Variants in INSL6 observed in about 807,000 individuals in gnomAD.
INSL6 encodes insulin-like peptide INSL6.
In INSL6, 16 loss-of-function variants were observed where a neutral mutation model predicts 9.4. The ratio of observed to expected loss-of-function variants is 1.70; its 90% CI spans 1.15 to 2.59. The LOEUF (loss-of-function observed/expected upper bound fraction) is 2.59, where lower values mean the gene tolerates loss of function less well. Among genes scored for constraint, INSL6 ranks in the 30% most tolerant of loss-of-function variants. The probability of loss-of-function intolerance (pLI) is 0.00; values close to 1 mark genes in which losing one functional copy is unlikely to be tolerated. For missense variants in INSL6, 391 were observed against 257.3 expected, an observed-to-expected ratio of 1.52 and a Z score of -3.56; for synonymous variants, 154 against 96.9, an observed-to-expected ratio of 1.59 and a Z score of -3.46.
the INSL6 span, among the ~76,000 whole-genome samples, chr9:5,093,036 G>A: frequency 2.6e-5 from 4 of 151,996 alleles, no homozygotes; most frequent in African/African-American, 4.8e-5. Context: ...ATCACTCTAC[G>A]GAACTCCTAA....
chr9:5,104,119 C>T, the INSL6 span, among the ~76,000 whole-genome samples: 3 of 152,054 alleles, frequency 2.0e-5, no homozygotes, highest in Non-Finnish European at 4.4e-5. Flanking sequence ...ATCAATGAAT[C>T]CAGGAGCTGG....
the INSL6 span, among the ~76,000 whole-genome samples, chr9:5,077,910 A>G: frequency 6.6e-6 from 1 of 152,190 alleles, no homozygotes; most frequent in Non-Finnish European, 1.5e-5. Context: ...ATTATGGTCC[A>G]TGAGAAAGCG....
the INSL6 span, among the ~76,000 whole-genome samples, chr9:5,090,220 A>AGTT: frequency 6.6e-6 from 1 of 152,224 alleles, no homozygotes; most frequent in Non-Finnish European, 1.5e-5. Flanking sequence ...TTGCCTGAAG[A>AGTT]GTTATAGAAA....
At chr9:5,092,172 T>C in the INSL6 span, among the ~76,000 whole-genome samples, 1 of 152,126 alleles carries the variant, frequency 6.6e-6, no homozygotes, top group African/African-American at 2.4e-5. Context: ...GGCCACATTT[T>C]CTACCCCAGA....
chr9:5,112,139 C>A, the INSL6 span: 2 of 309,086 alleles, frequency 6.5e-6, no homozygotes, highest in South Asian at 5.2e-5. Context: ...GCCATGGGCA[C>A]GGCTAGCAAC....
the INSL6 span, among the ~76,000 whole-genome samples, chr9:5,088,495 C>T: frequency 6.9e-3 from 1,050 of 152,002 alleles, 14 homozygotes; most frequent in African/African-American, 0.024. Context: ...ATTCTATGTA[C>T]TTAATGAGTT....
the INSL6 span, chr9:5,112,536 G>A: frequency 1.7e-6 from 1 of 596,474 alleles, no homozygotes; most frequent in Non-Finnish European, 3.0e-6. Flanking sequence ...AGGCCGAGTG[G>A]GAGAAGCAGG....
the INSL6 span, among the ~76,000 whole-genome samples, chr9:5,043,638 G>T: frequency 6.6e-6 from 1 of 152,262 alleles, no homozygotes; most frequent in East Asian, 1.9e-4. Context: ...ACAAAAACTT[G>T]TACATGACTC....
chr9:4,993,581 T>A, the INSL6 span, among the ~76,000 whole-genome samples: 2 of 152,224 alleles, frequency 1.3e-5, no homozygotes, highest in Non-Finnish European at 2.9e-5. Flanking sequence ...AACTTTGCCC[T>A]AGTATGTAAC....
chr9:5,004,384 G>C, the INSL6 span, among the ~76,000 whole-genome samples: 13 of 152,086 alleles, frequency 8.5e-5, no homozygotes, highest in Non-Finnish European at 1.9e-4. Flanking sequence ...AGATCATACA[G>C]TTTTGTCTTT....
At chr9:5,110,560 C>A in the INSL6 span, 1 of 168,668 alleles carries the variant, frequency 5.9e-6, no homozygotes, top group Non-Finnish European at 1.3e-5. Context: ...AAGACTTTAC[C>A]CTTCACTTCC....
At chr9:5,175,273 T>A (rs996831239) in intron 1 of INSL6, among the ~76,000 whole-genome samples, 1 of 152,138 alleles carries the variant, frequency 6.6e-6, no homozygotes, top group Non-Finnish European at 1.5e-5. Context: ...TCCTCATATC[T>A]CACATCAAAT....
chr9:5,149,672 C>T (rs1824674360), intron 2 of INSL6, among the ~76,000 whole-genome samples: 1 of 151,080 alleles, frequency 6.6e-6, no homozygotes, highest in Admixed American at 6.6e-5. Flanking sequence ...AAGCAATATA[C>T]AGATTAAATA....
At chr9:5,181,390 C>T (rs1316810501) in intron 1 of INSL6, among the ~76,000 whole-genome samples, 1 of 151,870 alleles carries the variant, frequency 6.6e-6, no homozygotes, top group African/African-American at 2.4e-5. Context: ...GGTTATCCCA[C>T]AAATTAGTGA....
At chr9:5,156,511 C>T (rs1288802922) in intron 2 of INSL6, among the ~76,000 whole-genome samples, 1 of 152,016 alleles carries the variant, frequency 6.6e-6, no homozygotes, top group Non-Finnish European at 1.5e-5. Flanking sequence ...GCAGAAAAAG[C>T]ATTGGACAAC....
chr9:5,087,003 T>A, the INSL6 span, among the ~76,000 whole-genome samples: 2 of 152,324 alleles, frequency 1.3e-5, no homozygotes, highest in Admixed American at 1.3e-4. Flanking sequence ...TTAGCATTTT[T>A]AAATTGTGCT....
the INSL6 span, among the ~76,000 whole-genome samples, chr9:5,073,061 G>A: frequency 3.3e-5 from 5 of 152,136 alleles, no homozygotes; most frequent in African/African-American, 9.7e-5. Flanking sequence ...GGCAGACCCC[G>A]TGGCCAGTTG....
At chr9:5,054,117 T>C in the INSL6 span, among the ~76,000 whole-genome samples, 2 of 152,014 alleles carry the variant, frequency 1.3e-5, no homozygotes, top group Non-Finnish European at 2.9e-5. This position sits in a 1 kb window ranked among gnomAD's most constrained non-coding sequence, Gnocchi z 4.9. Flanking sequence ...ATAATGAAAA[T>C]GGCTTCCAAC....
Position 5,185,584 on chromosome 9 carries a change from A to T in INSL6, c.19T>A (p.Leu7Met). The change falls in exon 1 of 2, where the codon TTG (leucine) becomes ATG (methionine). Residue 7 changes from leucine to methionine, a missense_variant. By Grantham distance (15) the Leu-to-Met change is conservative. Transcript: ENST00000381641. Reference sequence around the variant, plus strand: ...AGGAGTCCAAGCCACAGCAGGGACAAGCGGAGGAGCCGCGGCATCCCTGTG... The same window carrying T: ...AGGAGTCCAAGCCACAGCAGGGACATGCGGAGGAGCCGCGGCATCCCTGTG... MPRLLRLSLLWLGLLLV... is the reference protein window; with the variant it reads MPRLLRMSLLWLGLLLV... 4 of 1,613,414 alleles carry T rather than the reference A, an allele frequency of 2.5e-6. No homozygotes were observed. The highest frequency in any genetic ancestry group is 3.4e-6 in the Non-Finnish European group (4 of 1,179,902).
Sources: gnomAD v4.1 joint callset for allele counts (sites outside exome capture counted in the v4.1 genomes callset) on GRCh38, gnomAD v4.1.1 for gene constraint, Gnocchi (gnomAD v3.1) non-coding constraint, MANE v1.5 for transcripts, NCBI Gene and HGNC (gene_info 2026-07-23, HGNC 2026-07-21) for gene names.